LRRTM4: variants seen among roughly 807,000 people sequenced by gnomAD.
LRRTM4 encodes leucine rich repeat transmembrane neuronal 4.
LRRTM4 carries 25 observed loss-of-function variants against 47.6 expected under a neutral mutation model. That is an observed-to-expected ratio of 0.53 (90% CI 0.38 to 0.73). The LOEUF (loss-of-function observed/expected upper bound fraction) is 0.73. LRRTM4 is among the 30% of genes least tolerant of loss of function. The pLI is 0.00. For missense variants in LRRTM4, 638 were observed against 713.4 expected (o/e 0.89, Z 1.20); for synonymous variants, 311 against 269.5 (o/e 1.15, Z -1.51).
chr2:76,920,173 A>C (rs1032924176), intron 3 of LRRTM4, among the ~76,000 whole-genome samples: 2 of 152,162 alleles, frequency 1.3e-5, no homozygotes, highest in Non-Finnish European at 2.9e-5. Context: ...TATTTATGAC[A>C]CTGTAATCTT....
chr2:77,274,181 T>A (rs965027835), intron 3 of LRRTM4, among the ~76,000 whole-genome samples: 5 of 152,016 alleles, frequency 3.3e-5, no homozygotes, highest in Non-Finnish European at 7.4e-5. Flanking sequence ...TTAAGACATT[T>A]GGCAACCAGG....
At chr2:77,236,225 G>A (rs1226195514) in intron 3 of LRRTM4, among the ~76,000 whole-genome samples, 1 of 151,908 alleles carries the variant, frequency 6.6e-6, no homozygotes, top group Admixed American at 6.6e-5. Context: ...CCCTTATAGA[G>A]ATCTTTAATC....
At chr2:76,766,281 T>C (rs918651831) in intron 3 of LRRTM4, among the ~76,000 whole-genome samples, 1 of 152,192 alleles carries the variant, frequency 6.6e-6, no homozygotes, top group Non-Finnish European at 1.5e-5. Context: ...TAACATACAA[T>C]TGAAATCCAA....
intron 3 of LRRTM4, among the ~76,000 whole-genome samples, chr2:77,275,659 G>A (rs1676324586): frequency 6.6e-6 from 1 of 152,036 alleles, no homozygotes; most frequent in African/African-American, 2.4e-5. Context: ...AGGGACCTGC[G>A]ATGTGTTCCT....
intron 3 of LRRTM4, among the ~76,000 whole-genome samples, chr2:77,087,231 C>T (rs998403865): frequency 6.6e-6 from 1 of 152,150 alleles, no homozygotes; most frequent in Non-Finnish European, 1.5e-5. Context: ...AAGCTGAATT[C>T]TGAAAGGCCT....
rs933484203 is a variant in LRRTM4, at chr2:76,993,475, A to G, written c.1552-244559T>C. 6.6e-5 allele frequency among the ~76,000 whole-genome samples: 10 copies of G among 152,076 alleles called. No individual in the cohort carries two copies. In the South Asian group the frequency reaches 8.3e-4, roughly 13 times the overall value. On this transcript the variant is annotated intron_variant, in intron 3 of 3. Coordinates refer to ENST00000409884, the MANE Select transcript of LRRTM4 (RefSeq NM_001134745.3). ...ATGAACAGACACTTCTCAAAAGAAA[A>G]CATACATTTGGCTTACAAACATATG...
intron 3 of LRRTM4, chr2:77,516,562 A>G: frequency 2.2e-5 from 21 of 953,062 alleles, no homozygotes; most frequent in Non-Finnish European, 2.6e-5. Flanking sequence ...ATCACAAAAT[A>G]TAAGGAGAAC....
intron 3 of LRRTM4, among the ~76,000 whole-genome samples, chr2:77,255,170 A>G (rs1317550924): frequency 6.6e-6 from 1 of 151,982 alleles, no homozygotes; most frequent in Non-Finnish European, 1.5e-5. Context: ...CAAAACTACT[A>G]GTAACAGACA....
chr2:77,307,044 C>G (rs192462501), intron 3 of LRRTM4, among the ~76,000 whole-genome samples: 2 of 151,218 alleles, frequency 1.3e-5, no homozygotes, highest in East Asian at 2.0e-4. Flanking sequence ...GGACTACAGG[C>G]GCCCACCACC....
chr2:77,008,982 A>G (rs1677769633), intron 3 of LRRTM4: 1 of 151,742 alleles, frequency 6.6e-6, no homozygotes, highest in East Asian at 1.9e-4. Flanking sequence ...GCAGCTAAAC[A>G]GTTTTACTGA....
intron 3 of LRRTM4, among the ~76,000 whole-genome samples, chr2:77,225,652 C>G (rs1674784252): frequency 6.6e-6 from 1 of 152,076 alleles, no homozygotes. Flanking sequence ...TAGTTTTACA[C>G]TGTATGTAAA....
At chr2:77,027,933 A>T (rs756568469) in intron 3 of LRRTM4, among the ~76,000 whole-genome samples, 8 of 151,948 alleles carry the variant, frequency 5.3e-5, no homozygotes, top group Non-Finnish European at 8.8e-5. Context: ...AACAGAATTA[A>T]TGGTGAAACT....
At chr2:76,839,890 T>C (rs779675281) in intron 3 of LRRTM4, among the ~76,000 whole-genome samples, 1 of 152,244 alleles carries the variant, frequency 6.6e-6, no homozygotes, top group East Asian at 1.9e-4. Context: ...CAGTGTCTTA[T>C]TGGGAAATTC....
intron 3 of LRRTM4, among the ~76,000 whole-genome samples, chr2:76,761,995 T>C (rs925329613): frequency 6.6e-6 from 1 of 152,172 alleles, no homozygotes; most frequent in Admixed American, 6.5e-5. Context: ...GAGGAGATGA[T>C]CTGTATGTGT....
intron 3 of LRRTM4, among the ~76,000 whole-genome samples, chr2:76,819,855 AC>A (rs1305914454): frequency 6.6e-6 from 1 of 151,874 alleles, no homozygotes; most frequent in Admixed American, 6.6e-5. Flanking sequence ...AGGTGAAACC[AC>A]CTACTTTTTG....
At chr2:77,496,382 T>C (rs1678365457) in intron 3 of LRRTM4, among the ~76,000 whole-genome samples, 1 of 151,898 alleles carries the variant, frequency 6.6e-6, no homozygotes, top group African/African-American at 2.4e-5. Context: ...GTGGTGAGAA[T>C]AGATACTTTT....
chr2:76,774,752 A>C (rs556638321), intron 3 of LRRTM4, among the ~76,000 whole-genome samples: 141 of 152,226 alleles, frequency 9.3e-4, no homozygotes, highest in Non-Finnish European at 1.6e-3. Flanking sequence ...TCTGTCTGAC[A>C]TTTTTGCTTT....
chr2:77,086,476 ATTTTT>A (rs762359320), intron 3 of LRRTM4, among the ~76,000 whole-genome samples: 4 of 131,150 alleles, frequency 3.0e-5, no homozygotes, highest in African/African-American at 1.2e-4. Flanking sequence ...ACATATAATA[ATTTTT>A]TTTTTTTTTT....
At chr2:76,921,511 T>C (rs1431363945) in intron 3 of LRRTM4, among the ~76,000 whole-genome samples, 2 of 152,108 alleles carry the variant, frequency 1.3e-5, no homozygotes, top group Non-Finnish European at 2.9e-5. Flanking sequence ...CACTCAAGAT[T>C]TGAGGAACTA....
Sources: allele counts gnomAD v4.1 joint callset (sites outside exome capture counted in the v4.1 genomes callset), GRCh38; gene constraint gnomAD v4.1.1; transcripts MANE v1.5; gene names NCBI Gene and HGNC (gene_info 2026-07-23, HGNC 2026-07-21).